SVEP1: variants seen among roughly 807,000 people sequenced by gnomAD.
SVEP1 encodes sushi, von Willebrand factor type A, EGF and pentraxin domain containing 1.
SVEP1 carries 164 observed loss-of-function variants against 367.3 expected under a neutral mutation model. That is an observed-to-expected ratio of 0.45 (90% confidence interval 0.39 to 0.51). The LOEUF is 0.51. Among genes scored for constraint, SVEP1 ranks in the 20% least tolerant of loss-of-function variants. SVEP1 has a pLI of 0.00. For missense variants in SVEP1, 4,117 were observed against 4,425.3 expected, an observed-to-expected ratio of 0.93 and a Z score of 1.98; for synonymous variants, 1,666 against 1,611.6, an observed-to-expected ratio of 1.03 and a Z score of -0.81.
intron 9 of SVEP1, among the ~76,000 whole-genome samples, chr9:110,487,812 AC>A (rs1421409300): frequency 6.6e-6 from 1 of 152,164 alleles, no homozygotes; most frequent in Non-Finnish European, 1.5e-5. Context: ...CATTACTTTT[AC>A]TTTTGGATAA....
At chr9:110,513,847 A>T in intron 4 of SVEP1, 101 bp downstream of exon 4, 1 of 1,342,356 alleles carries the variant, frequency 7.4e-7, no homozygotes, top group South Asian at 1.5e-5. Context: ...AGAAAAGAAC[A>T]TTAAAGATCA....
rs72762679 is a variant in SVEP1 at position 110,378,040 on chromosome 9, A to G, written c.10409-674T>C. Among the ~76,000 whole-genome samples the G allele has an allele frequency of 7.6e-3, 1,161 of 152,318 alleles. 11 individuals carry two copies. Among genetic ancestry groups the G allele is most frequent in the Non-Finnish European group, 9.0e-3 (613 of 68,018 alleles). ...GTTAGTCCATGTTGTTGTAAATGGC[A>G]GGATTTTCTTCTTTTGCAAAGCTGA... On this transcript the variant is annotated intron_variant, in intron 44 of 47. Transcript: ENST00000374469.
intron 43 of SVEP1, among the ~76,000 whole-genome samples, chr9:110,380,154 C>T (rs1827412980): frequency 6.6e-6 from 1 of 152,140 alleles, no homozygotes; most frequent in Admixed American, 6.5e-5. Context: ...TGACAATCCT[C>T]TCTTTTAAAA....
At chr9:110,469,231 GC>G in intron 16 of SVEP1, 130 bp from the exon 17 acceptor site, 1 of 846,500 alleles carries the variant, frequency 1.2e-6, no homozygotes, top group Non-Finnish European at 1.8e-6. Flanking sequence ...AAATTTTATG[GC>G]CAGAGGCTTA....
intron 43 of SVEP1, among the ~76,000 whole-genome samples, chr9:110,385,511 G>A (rs1827506243): frequency 1.3e-5 from 2 of 152,154 alleles, no homozygotes; most frequent in Non-Finnish European, 2.9e-5. Flanking sequence ...TTCTCTAGGT[G>A]GTTCTGATGC....
chr9:110,502,493 C>A (rs2118753294), intron 6 of SVEP1, among the ~76,000 whole-genome samples: 1 of 152,254 alleles, frequency 6.6e-6, no homozygotes, highest in African/African-American at 2.4e-5. Flanking sequence ...CATTCTCCTG[C>A]ATCCATTCTC....
rs7849187 is a variant in SVEP1 at position 110,433,489 on chromosome 9, G to T, written c.5059+847C>A. ...ACTTTTTTTTTTTTTTTTTTTTTAA[G>T]ATAGGGTCTAGTTCTGTCACCTAAG... On this transcript the variant is annotated intron_variant, in intron 30 of 47. Coordinates refer to ENST00000374469, the MANE Select transcript of SVEP1 (RefSeq NM_153366.4). Among the ~76,000 whole-genome samples, 523 of 121,764 alleles carry T rather than the reference G, an allele frequency of 4.3e-3. 2 individuals are homozygous for T. The highest frequency in any genetic ancestry group is 0.015 in the African/African-American group (494 of 32,786). The allele number at this position is 121,764 out of a possible 152,430, so 79.9% of individuals were successfully genotyped here. A position where few individuals can be genotyped will look rare whatever the true frequency, so the allele number is the denominator to read the frequency against.
intron 1 of SVEP1, among the ~76,000 whole-genome samples, chr9:110,563,266 T>C (rs1830452397): frequency 6.6e-6 from 1 of 152,140 alleles, no homozygotes; most frequent in Non-Finnish European, 1.5e-5. Flanking sequence ...AAACAAAAAT[T>C]ACAGCATGTG....
At chr9:110,578,894 C>T in intron 1 of SVEP1, 119 bp downstream of exon 1, 1 of 1,153,500 alleles carries the variant, frequency 8.7e-7, no homozygotes, top group Non-Finnish European at 1.2e-6. Context: ...GATGGGGACG[C>T]TTGACTTGGG....
rs759542886 is a variant in SVEP1, at chr9:110,407,080, G to A, written c.8520C>T (p.Ala2840=). 1 of 1,613,986 alleles carries A rather than the reference G, an allele frequency of 6.2e-7. No individual in the cohort carries two copies. The highest frequency in any genetic ancestry group is 8.5e-7 in the Non-Finnish European group (1 of 1,179,882). ...ACTCGTCTCCTCTCACCTGGCCATTGGCTGAGACTGGGGGTGAACTGCAGT... is the reference window on the plus strand; with the variant it reads ...ACTCGTCTCCTCTCACCTGGCCATTAGCTGAGACTGGGGGTGAACTGCAGT... ...PVDCSSPPVS[A]NGQVRGDEYT... Residue 2840 remains alanine (A), a synonymous_variant, in exon 38 of 48, where the codon GCC becomes GCT. Transcript: ENST00000374469.
chr9:110,498,914 T>C (rs1246634933), intron 7 of SVEP1, 127 bp downstream of exon 7: 2 of 666,954 alleles, frequency 3.0e-6, no homozygotes, highest in Non-Finnish European at 4.5e-6. Flanking sequence ...TAGAGGATAT[T>C]GGGGTAGCAC....
chr9:110,536,518 G>A (rs141434050), intron 3 of SVEP1, among the ~76,000 whole-genome samples: 1 of 152,038 alleles, frequency 6.6e-6, no homozygotes, highest in African/African-American at 2.4e-5. Flanking sequence ...TGGAGAAAGT[G>A]TCTATGGCAC....
At chr9:110,513,377 T>C (rs1005357784) in intron 4 of SVEP1, among the ~76,000 whole-genome samples, 1 of 152,180 alleles carries the variant, frequency 6.6e-6, no homozygotes, top group African/African-American at 2.4e-5. Flanking sequence ...TATATGGATA[T>C]GAGATTTTAT....
At position 110,408,112 on chromosome 9, in the gene SVEP1, A is replaced by G. The variant is rs1211542242; in HGVS notation, c.7488T>C (p.Ile2496=). 10 of 1,613,738 alleles carry G rather than the reference A, an allele frequency of 6.2e-6. No homozygotes were observed. Among genetic ancestry groups the G allele is most frequent in the Non-Finnish European group, 8.5e-6 (10 of 1,179,864 alleles). Reference sequence around the variant, plus strand: ...AAATCTCCTTGGGTTTCAGGCACTCAATGGCTTTACATGTTGGTTTTCCTC... The same window carrying G: ...AAATCTCCTTGGGTTTCAGGCACTCGATGGCTTTACATGTTGGTTTTCCTC... ...WLGGKPTCKA[I]ECLKPKEILN... is the part of the protein sequence containing the mutation. The change falls in exon 38 of 48, where the codon ATT becomes ATC. Residue 2496 remains isoleucine (I), a synonymous_variant. Transcript: ENST00000374469.
At chr9:110,483,546 C>T (rs775819903) in intron 10 of SVEP1, 40 bp downstream of exon 10, 78 of 1,450,524 alleles carry the variant, frequency 5.4e-5, no homozygotes, top group Admixed American at 1.1e-4. Flanking sequence ...AAAAAGAATT[C>T]ATTGCTACTA....
rs1347331707 is a variant in SVEP1, at chr9:110,499,201, G to A, written c.1521C>T (p.Val507=). 6.2e-7 allele frequency: 1 copy of A among 1,613,192 alleles called. No homozygotes were observed. The change falls in exon 7 of 48, where the codon GTC becomes GTT. Residue 507 remains valine (V), a synonymous_variant. Coordinates refer to ENST00000374469, the MANE Select transcript of SVEP1 (RefSeq NM_153366.4). ...TGCCACAGTTGTGGGGGGATATGAT[G>A]ACATCTTTGGGCATCTGAAAGGTGG... is the stretch of plus-strand genomic sequence containing the variant. The part of the protein sequence containing the change: ...HCSTFQMPKD[V]IISPHNCGKQ...
chr9:110,473,983 A>C, intron 14 of SVEP1, among the ~76,000 whole-genome samples: 1 of 152,126 alleles, frequency 6.6e-6, no homozygotes, highest in Middle Eastern at 3.2e-3. Flanking sequence ...CTGACAGGTC[A>C]AAAATTGCAT....
chr9:110,429,848 CT>C (rs1273264362), intron 34 of SVEP1, 71 bp downstream of exon 34: 1 of 1,288,286 alleles, frequency 7.8e-7, no homozygotes, highest in Non-Finnish European at 1.1e-6. Flanking sequence ...CACCCCCTTT[CT>C]TTCAGTGTTA....
intron 3 of SVEP1, among the ~76,000 whole-genome samples, chr9:110,536,489 T>C (rs1049784804): frequency 6.6e-6 from 1 of 152,042 alleles, no homozygotes; most frequent in Non-Finnish European, 1.5e-5. Context: ...AACATACATA[T>C]ATAACTAAAT....
Sources: gnomAD v4.1 joint callset for allele counts (sites outside exome capture counted in the v4.1 genomes callset) on GRCh38, gnomAD v4.1.1 for gene constraint, MANE v1.5 for transcripts, NCBI Gene and HGNC (gene_info 2026-07-23, HGNC 2026-07-21) for gene names.